The following CCDC3 variants were observed in gnomAD, a reference collection of about 807,000 sequenced individuals.
CCDC3 encodes coiled-coil domain containing 3.
A neutral mutation model predicts 21.4 loss-of-function variants in CCDC3; 24 were observed. The observed-to-expected ratio is 1.12, with a 90% CI of 0.81 to 1.58. The LOEUF (loss-of-function observed/expected upper bound fraction) is 1.58. Among genes scored for constraint, CCDC3 ranks in the 40% most tolerant of loss-of-function variants. CCDC3 has a pLI of 0.00. For missense variants in CCDC3, 425 were observed against 360.9 expected (o/e 1.18, Z -1.44); for synonymous variants, 186 against 166.0 (o/e 1.12, Z -0.93).
intron 2 of CCDC3, among the ~76,000 whole-genome samples, chr10:12,950,372 A>C (rs1450881078): frequency 6.6e-6 from 1 of 152,208 alleles, no homozygotes; most frequent in Admixed American, 6.5e-5. Flanking sequence ...AAAGAGATTC[A>C]ACCTAAATGG....
Position 13,001,643 on chromosome 10 carries a change from C to CT in CCDC3, c.-74dup, listed in dbSNP as rs1181965541. ...GCCCGCCGGCCCGGGAAGGGCAGCCCTGGGCGCTCGGCTGCTCGGGCCGCT... is the reference window on the plus strand; with the variant it reads ...GCCCGCCGGCCCGGGAAGGGCAGCCCTTGGGCGCTCGGCTGCTCGGGCCGCT... On this transcript the variant is annotated 5_prime_UTR_variant, in exon 1 of 3. Transcript: ENST00000378825. The CT allele has an allele frequency of 9.9e-7, 1 of 1,010,520 alleles. No individual in the cohort carries two copies. The highest frequency in any genetic ancestry group is 1.2e-6 in the Non-Finnish European group (1 of 836,196). 62.6% of individuals were successfully genotyped at this position (1,010,520 alleles called of 1,614,324 possible).
At chr10:13,098,439 A>G (rs1832660457) in intron 3 of CCDC3, 1 of 152,216 alleles carries the variant, frequency 6.6e-6, no homozygotes, top group Non-Finnish European at 1.5e-5. Context: ...TTGACCTCCC[A>G]AAGTGCTGGG....
intron 3 of CCDC3, among the ~76,000 whole-genome samples, chr10:13,081,368 C>T (rs1302021297): frequency 6.6e-6 from 1 of 152,130 alleles, no homozygotes; most frequent in African/African-American, 2.4e-5. Flanking sequence ...AAACCACATC[C>T]TCATCAAAGG....
At chr10:13,016,537 C>G (rs187453167) in intron 5 of CCDC3, among the ~76,000 whole-genome samples, 125 of 152,032 alleles carry the variant, frequency 8.2e-4, no homozygotes, top group African/African-American at 2.9e-3. Context: ...CTTCTGGTAT[C>G]CTTGGGAGGC....
At chr10:12,914,075 G>A (rs1278012359) in intron 2 of CCDC3, among the ~76,000 whole-genome samples, 1 of 152,124 alleles carries the variant, frequency 6.6e-6, no homozygotes, top group African/African-American at 2.4e-5. Flanking sequence ...TCTGCTTTTA[G>A]TATCAGAGTG....
chr10:13,072,984 A>C (rs1421853695), intron 4 of CCDC3, among the ~76,000 whole-genome samples: 1 of 149,998 alleles, frequency 6.7e-6, no homozygotes, highest in Non-Finnish European at 1.5e-5. Context: ...CTCCTGCCTC[A>C]GCCTCCCAAG....
chr10:13,023,810 T>C (rs1012893086), intron 5 of CCDC3, among the ~76,000 whole-genome samples: 4 of 152,188 alleles, frequency 2.6e-5, no homozygotes, highest in Non-Finnish European at 5.9e-5. Context: ...AGAAGGGGTC[T>C]CTTGGGTGCA....
intron 2 of CCDC3, among the ~76,000 whole-genome samples, chr10:12,983,169 T>TATATATATATATATAC (rs1564308503): frequency 7.5e-6 from 1 of 133,416 alleles, no homozygotes; most frequent in African/African-American, 2.8e-5. Flanking sequence ...TATATATATA[T>TATATATATATATATAC]ATATAAAATC....
chr10:13,001,411 CG>C lies in CCDC3; in HGVS notation c.159del (p.Glu54ArgfsTer168). 6.4e-7 allele frequency: 1 copy of C among 1,555,290 alleles called. No homozygotes were observed. The highest frequency in any genetic ancestry group is 8.7e-7 in the Non-Finnish European group (1 of 1,150,660). On this transcript the variant is annotated frameshift_variant, in exon 1 of 3. Coordinates refer to ENST00000378825, the MANE Select transcript of CCDC3 (RefSeq NM_031455.4). LOFTEE classifies it high-confidence loss of function. The stretch of plus-strand genomic sequence containing the variant: ...AGGTGGTTGTAGAGGCCGGGCGCCT[CG>C]GGGTGCAGCGCCAGCACCCTGGCGT... ...IVYARVLALH[P>X]EAPGLYNHLP...
chr10:12,910,611 AT>A (rs11320030), intron 2 of CCDC3, among the ~76,000 whole-genome samples: 8,629 of 104,678 alleles, frequency 0.082, 447 homozygotes, highest in African/African-American at 0.15. Flanking sequence ...AAAAAAAAAA[AT>A]TTTTTTTTTT....
At chr10:12,921,962 G>A (rs555253493) in intron 2 of CCDC3, among the ~76,000 whole-genome samples, 52 of 152,244 alleles carry the variant, frequency 3.4e-4, no homozygotes, top group Admixed American at 1.1e-3. Context: ...TTGAACTCCT[G>A]TTCTCAACTC....
chr10:12,913,512 T>C (rs1472796542), intron 2 of CCDC3, among the ~76,000 whole-genome samples: 1 of 152,226 alleles, frequency 6.6e-6, no homozygotes, highest in Non-Finnish European at 1.5e-5. Flanking sequence ...GTGTGTAAGA[T>C]CATGCCATTG....
At chr10:12,940,515 T>C (rs908572421) in intron 2 of CCDC3, among the ~76,000 whole-genome samples, 16 of 152,238 alleles carry the variant, frequency 1.1e-4, no homozygotes, top group African/African-American at 3.9e-4. Context: ...TGAAGTATAG[T>C]AGAAATAAGA....
At position 12,932,795 on chromosome 10, in the gene CCDC3, G is replaced by GT. The variant is rs914513946; in HGVS notation, c.550-34117dup. Among the ~76,000 whole-genome samples, 51 of 152,216 alleles carry GT rather than the reference G, an allele frequency of 3.4e-4. 1 individual carries two copies. In the Middle Eastern group the frequency reaches 0.017, roughly 51 times the overall value. On this transcript the variant is annotated intron_variant, in intron 2 of 2. Coordinates refer to ENST00000378825, the MANE Select transcript of CCDC3 (RefSeq NM_031455.4). ...ACTATTAATTATAATGTTAGCTTTA[G>GT]TTTTTTTGTAGATGTTCTTTATGAA...
chr10:12,905,646 C>T (rs554885362), intron 2 of CCDC3, among the ~76,000 whole-genome samples: 1 of 152,316 alleles, frequency 6.6e-6, no homozygotes, highest in East Asian at 1.9e-4. Flanking sequence ...GTCAAAGGTC[C>T]TATTGACTCC....
chr10:13,036,715 C>G lies in CCDC3; in HGVS notation c.-2+12959G>C, dbSNP rs1022252404. ...GGCCAGGCTAGTCTCGAACTCCTGA[C>G]CTCAGGTGATCTGCCCACTTTGGCC... On this transcript the variant is annotated intron_variant, in intron 5 of 6. Coordinates refer to the CCDC3 transcript ENST00000378839. Among the ~76,000 whole-genome samples, 4 of 151,916 alleles carry G rather than the reference C, an allele frequency of 2.6e-5. No homozygotes were observed. In the South Asian group the frequency reaches 8.3e-4, roughly 32 times the overall value.
chr10:13,081,887 C>T (rs534906543), intron 3 of CCDC3, among the ~76,000 whole-genome samples: 1 of 152,298 alleles, frequency 6.6e-6, no homozygotes, highest in Non-Finnish European at 1.5e-5. Flanking sequence ...CTCAGATAAT[C>T]CTCTAATCGA....
intron 2 of CCDC3, among the ~76,000 whole-genome samples, chr10:12,987,567 C>T (rs1203823977): frequency 6.6e-6 from 1 of 152,190 alleles, no homozygotes; most frequent in Non-Finnish European, 1.5e-5. Context: ...ACCCAGAACT[C>T]TATTTTAAAA....
At chr10:13,042,906 C>CAAA (rs55911312) in intron 5 of CCDC3, among the ~76,000 whole-genome samples, 27 of 100,326 alleles carry the variant, frequency 2.7e-4, no homozygotes, top group South Asian at 3.3e-4. Flanking sequence ...GAGACTGTCT[C>CAAA]AAAAAAAAAA....
Sources: allele counts gnomAD v4.1 joint callset (sites outside exome capture counted in the v4.1 genomes callset), GRCh38; gene constraint gnomAD v4.1.1; transcripts MANE v1.5; gene names NCBI Gene and HGNC (gene_info 2026-07-23, HGNC 2026-07-21).